The following PTPRN2 variants were observed in gnomAD, a reference collection of about 807,000 sequenced individuals.
PTPRN2 encodes the protein receptor-type tyrosine-protein phosphatase N2.
PTPRN2 carries 74 observed loss-of-function variants against 118.8 expected under a neutral mutation model. That is an observed-to-expected ratio of 0.62 (90% CI 0.52 to 0.76). The LOEUF is 0.76. Among genes scored for constraint, PTPRN2 ranks in the 30% least tolerant of loss-of-function variants. PTPRN2 has a pLI of 0.00. For missense variants in PTPRN2, 1,481 were observed against 1,394.4 expected, an observed-to-expected ratio of 1.06 and a Z score of -0.99; for synonymous variants, 641 against 608.0, an observed-to-expected ratio of 1.05 and a Z score of -0.80.
At chr7:157,803,451 A>AT (rs1211215588) in intron 12 of PTPRN2, among the ~76,000 whole-genome samples, 2 of 152,180 alleles carry the variant, frequency 1.3e-5, no homozygotes, top group African/African-American at 2.4e-5. Flanking sequence ...GTTGTCCTGC[A>AT]TGTTCACATT....
At chr7:158,480,854 G>A (rs776541690) in intron 2 of PTPRN2, among the ~76,000 whole-genome samples, 3 of 152,218 alleles carry the variant, frequency 2.0e-5, no homozygotes, top group Non-Finnish European at 4.4e-5. Flanking sequence ...TCTGAAGCTC[G>A]CAGAGGTTGG....
chr7:158,432,235 A>G (rs1298539871), intron 2 of PTPRN2, among the ~76,000 whole-genome samples: 1 of 152,238 alleles, frequency 6.6e-6, no homozygotes, highest in Non-Finnish European at 1.5e-5. Context: ...CAGGGGAACC[A>G]CACACAGTGA....
rs554152182 is a variant in PTPRN2, at chr7:157,974,723, G to A, written c.1724-75986C>T. Among the ~76,000 whole-genome samples the A allele has an allele frequency of 1.2e-4, 19 of 152,090 alleles. No individual in the cohort carries two copies. The highest frequency in any genetic ancestry group is 2.6e-4 in the Non-Finnish European group (18 of 68,024). ...ATGGGAAGACACAGGTAGCGGGTCAGGTGCTGGGGAGGTGTTGCTGGGCAT... is the reference window on the plus strand; with the variant it reads ...ATGGGAAGACACAGGTAGCGGGTCAAGTGCTGGGGAGGTGTTGCTGGGCAT... On this transcript the variant is annotated intron_variant, in intron 11 of 22. Transcript: ENST00000389418. This position sits in a 1 kb window ranked among gnomAD's most constrained non-coding sequence, Gnocchi z 4.0.
intron 12 of PTPRN2, among the ~76,000 whole-genome samples, chr7:157,816,594 G>C (rs1403006548): frequency 6.6e-6 from 1 of 152,228 alleles, no homozygotes; most frequent in South Asian, 2.1e-4. Context: ...ACTGTCCACT[G>C]CCTGTCTCCA....
chr7:158,149,779 G>A (rs181116891), intron 6 of PTPRN2, among the ~76,000 whole-genome samples: 4 of 147,810 alleles, frequency 2.7e-5, no homozygotes. Flanking sequence ...ACTCCAGCCT[G>A]AGTGACAGAG....
chr7:158,570,117 CG>C lies in PTPRN2; in HGVS notation c.112+17440del, dbSNP rs1827922446. ...AGAAGCCGCCGCGCCGGGCTGAGAT[CG>C]GGCCCCAGGCTCTCCGCGGAGCCGT... On this transcript the variant is annotated intron_variant, in intron 1 of 22. Coordinates refer to ENST00000389418, the MANE Select transcript of PTPRN2 (RefSeq NM_002847.5). This position sits in a 1 kb window ranked among gnomAD's most constrained non-coding sequence, Gnocchi z 4.5. 6.6e-6 allele frequency among the ~76,000 whole-genome samples: 1 copy of C among 152,120 alleles called. No individual in the cohort carries two copies. The highest frequency in any genetic ancestry group is 1.5e-5 in the Non-Finnish European group (1 of 68,006).
intron 13 of PTPRN2, among the ~76,000 whole-genome samples, chr7:157,667,796 C>G: frequency 6.6e-6 from 1 of 152,246 alleles, no homozygotes; most frequent in Non-Finnish European, 1.5e-5. Flanking sequence ...GCGTCCGCAC[C>G]CAGGCGCAGA....
At chr7:158,324,563 T>C (rs982069856) in intron 2 of PTPRN2, among the ~76,000 whole-genome samples, 2 of 151,730 alleles carry the variant, frequency 1.3e-5, no homozygotes, top group Admixed American at 6.6e-5. Context: ...CAGGTGGCCA[T>C]GCGCCTCCAC....
chr7:158,561,150 T>C (rs931989044), intron 1 of PTPRN2, among the ~76,000 whole-genome samples: 1 of 152,344 alleles, frequency 6.6e-6, no homozygotes, highest in South Asian at 2.1e-4. Context: ...TTAAGAAAGA[T>C]TACGTAGATC....
intron 11 of PTPRN2, among the ~76,000 whole-genome samples, chr7:158,080,321 A>C (rs1361535893): frequency 1.5e-5 from 1 of 68,426 alleles, no homozygotes; most frequent in Non-Finnish European, 3.0e-5. Flanking sequence ...AAGCAAAAAA[A>C]AAAAAAAAAA....
At chr7:158,323,457 G>A (rs1803202643) in intron 2 of PTPRN2, among the ~76,000 whole-genome samples, 4 of 152,236 alleles carry the variant, frequency 2.6e-5, no homozygotes, top group Non-Finnish European at 5.9e-5. Flanking sequence ...GGAATGCCCA[G>A]GATGCAGAGC....
At chr7:158,571,716 C>G (rs1334966089) in intron 1 of PTPRN2, among the ~76,000 whole-genome samples, 1 of 151,566 alleles carries the variant, frequency 6.6e-6, no homozygotes, top group African/African-American at 2.4e-5. Flanking sequence ...CGTTACTTCT[C>G]CCCTGATTCT....
intron 11 of PTPRN2, among the ~76,000 whole-genome samples, chr7:157,901,950 AGGCGGGGCCTTCCCG>A (rs1429857583): frequency 2.6e-4 from 39 of 150,360 alleles, no homozygotes; most frequent in Non-Finnish European, 4.3e-4. Context: ...CTGGGTCCTG[AGGCGGGGCCTTCCCG>A]TCCGTGTTTC....
Position 158,340,291 on chromosome 7 carries a change from T to A in PTPRN2, c.164-23359A>T, listed in dbSNP as rs1352278950. On this transcript the variant is annotated intron_variant, in intron 2 of 22. Transcript: ENST00000389418. ...CTACAGACATCACTCACACCCACAT[T>A]CTCACCATAGGAGCTGACACCCACA... 5.1e-4 allele frequency among the ~76,000 whole-genome samples: 47 copies of A among 91,624 alleles called. 1 individual carries two copies. Among genetic ancestry groups the A allele is most frequent in the African/African-American group, 1.4e-3 (36 of 25,606 alleles). The allele number at this position is 91,624 out of a possible 152,430, so 60.1% of individuals were successfully genotyped here. A position where few individuals can be genotyped will look rare whatever the true frequency, so the allele number is the denominator to read the frequency against.
chr7:157,631,715 C>T (rs981040328), intron 14 of PTPRN2, among the ~76,000 whole-genome samples: 6 of 152,140 alleles, frequency 3.9e-5, no homozygotes, highest in African/African-American at 1.4e-4. Flanking sequence ...ACCTGTAGTC[C>T]CAGCTACACA....
chr7:158,500,171 C>G (rs1180946027), intron 1 of PTPRN2, among the ~76,000 whole-genome samples: 1 of 152,000 alleles, frequency 6.6e-6, no homozygotes, highest in Non-Finnish European at 1.5e-5. Flanking sequence ...TCTGCACTTA[C>G]AATAATGAAA....
At chr7:158,235,158 G>A (rs779785698) in intron 3 of PTPRN2, among the ~76,000 whole-genome samples, 52 of 152,282 alleles carry the variant, frequency 3.4e-4, no homozygotes, top group African/African-American at 6.0e-4. Context: ...GTAAATTAGC[G>A]CAGCCACTAT....
chr7:157,873,552 G>C (rs1412698350), intron 12 of PTPRN2, among the ~76,000 whole-genome samples: 1 of 137,550 alleles, frequency 7.3e-6, no homozygotes, highest in African/African-American at 3.1e-5. Context: ...TCTCGTCGTG[G>C]GGGCCGGGAG....
At chr7:157,712,943 A>G (rs1337777053) in intron 12 of PTPRN2, among the ~76,000 whole-genome samples, 1 of 152,122 alleles carries the variant, frequency 6.6e-6, no homozygotes, top group East Asian at 1.9e-4. Flanking sequence ...TCTGGCTCCC[A>G]GCACTGTGGG....
Sources: gnomAD v4.1 joint callset for allele counts (sites outside exome capture counted in the v4.1 genomes callset) on GRCh38, gnomAD v4.1.1 for gene constraint, Gnocchi (gnomAD v3.1) non-coding constraint, MANE v1.5 for transcripts, NCBI Gene and HGNC (gene_info 2026-07-23, HGNC 2026-07-21) for gene names.